The following TAFA1 variants were observed in gnomAD, a reference collection of about 807,000 sequenced individuals.
TAFA1 encodes the protein TAFA chemokine like family member 1, also known as chemokine-like protein TAFA-1.
Under a neutral mutation model 18.5 loss-of-function variants are expected in TAFA1, and 4 were observed. The observed-to-expected ratio is 0.22, with a 90% CI of 0.11 to 0.49. The LOEUF is 0.49. Ranked by LOEUF, TAFA1 falls within the 20% of genes least tolerant of loss-of-function variation. The probability of loss-of-function intolerance (pLI) is 0.98; values close to 1 mark genes in which losing one functional copy is unlikely to be tolerated. For synonymous variants in TAFA1, 56 were observed against 55.2 expected (o/e 1.01, Z -0.06); for missense variants, 147 against 169.0 (o/e 0.87, Z 0.72).
chr3:68,401,429 A>G (rs772019386), intron 2 of TAFA1, among the ~76,000 whole-genome samples: 3 of 152,118 alleles, frequency 2.0e-5, no homozygotes, highest in Non-Finnish European at 4.4e-5. Flanking sequence ...CAAGAGAAAA[A>G]CGCATTGACT....
At chr3:68,269,465 T>G (rs2067618129) in intron 2 of TAFA1, among the ~76,000 whole-genome samples, 1 of 152,064 alleles carries the variant, frequency 6.6e-6, no homozygotes, top group Non-Finnish European at 1.5e-5. Flanking sequence ...GAGACCCAAT[T>G]CTAAAAAATA....
chr3:68,517,184 T>G (rs187778670), intron 3 of TAFA1, among the ~76,000 whole-genome samples: 21 of 152,330 alleles, frequency 1.4e-4, no homozygotes, highest in Non-Finnish European at 2.2e-4. Flanking sequence ...CATCTCCAAC[T>G]TCTTAAAAGA....
At chr3:68,205,604 A>G (rs188644683) in intron 2 of TAFA1, among the ~76,000 whole-genome samples, 4 of 152,016 alleles carry the variant, frequency 2.6e-5, no homozygotes, top group Non-Finnish European at 5.9e-5. Context: ...TCAACTCCTG[A>G]AGACTAGAAA....
At chr3:68,329,216 C>CTTGTTTTT (rs2068824260) in intron 2 of TAFA1, among the ~76,000 whole-genome samples, 1 of 88,988 alleles carries the variant, frequency 1.1e-5, no homozygotes, top group African/African-American at 4.5e-5. Flanking sequence ...GCCTGGCTGC[C>CTTGTTTTT]TTTTTTTTTT....
intron 3 of TAFA1, among the ~76,000 whole-genome samples, chr3:68,489,701 C>T (rs1468554892): frequency 6.6e-6 from 1 of 152,166 alleles, no homozygotes; most frequent in Non-Finnish European, 1.5e-5. Flanking sequence ...AAAATCAAGG[C>T]AGTGGCACCA....
chr3:68,100,694 C>G (rs929846354), intron 2 of TAFA1, among the ~76,000 whole-genome samples: 2 of 152,138 alleles, frequency 1.3e-5, no homozygotes, highest in Non-Finnish European at 2.9e-5. Context: ...TTCCTGATAT[C>G]TCTTTCAATA....
At chr3:68,435,534 C>A (rs1472899261) in intron 3 of TAFA1, among the ~76,000 whole-genome samples, 1 of 152,000 alleles carries the variant, frequency 6.6e-6, no homozygotes, top group African/African-American at 2.4e-5. Context: ...TACTTAGAGC[C>A]CAAATTTCTA....
chr3:68,023,479 A>G (rs534437357), intron 2 of TAFA1, among the ~76,000 whole-genome samples: 2 of 152,302 alleles, frequency 1.3e-5, no homozygotes, highest in South Asian at 4.1e-4. Context: ...GCAAGGGGCC[A>G]TGAAGTACAG....
chr3:68,234,422 A>G (rs2066904725), intron 2 of TAFA1, among the ~76,000 whole-genome samples: 1 of 152,186 alleles, frequency 6.6e-6, no homozygotes, highest in Non-Finnish European at 1.5e-5. Flanking sequence ...TGCCACCTTC[A>G]TATGTTGAGT....
At chr3:68,172,011 G>A (rs1007801223) in intron 2 of TAFA1, among the ~76,000 whole-genome samples, 1 of 152,130 alleles carries the variant, frequency 6.6e-6, no homozygotes, top group African/African-American at 2.4e-5. Flanking sequence ...TCTAGAAGGA[G>A]AGAAGAGAGA....
At chr3:68,206,326 G>C (rs896129304) in intron 2 of TAFA1, among the ~76,000 whole-genome samples, 4 of 151,762 alleles carry the variant, frequency 2.6e-5, no homozygotes, top group Non-Finnish European at 4.4e-5. Flanking sequence ...ACAGATAATA[G>C]CATGTTGACA....
intron 2 of TAFA1, among the ~76,000 whole-genome samples, chr3:68,281,901 T>C (rs116117399): frequency 2.5e-3 from 386 of 152,280 alleles, no homozygotes; most frequent in African/African-American, 9.0e-3. Flanking sequence ...TTTAGTCCAT[T>C]CTCACGCTGC....
chr3:68,180,513 T>G (rs1236555684), intron 2 of TAFA1, among the ~76,000 whole-genome samples: 2 of 152,176 alleles, frequency 1.3e-5, no homozygotes, highest in Non-Finnish European at 2.9e-5. Context: ...CATAAGAAGT[T>G]CAGATGATTT....
intron 2 of TAFA1, among the ~76,000 whole-genome samples, chr3:68,025,632 C>A (rs11928318): frequency 1.3e-5 from 2 of 152,288 alleles, no homozygotes; most frequent in African/African-American, 4.8e-5. Context: ...GCTCACTCTC[C>A]TTTATCCACA....
chr3:68,364,350 GA>G (rs2069527378), intron 2 of TAFA1, among the ~76,000 whole-genome samples: 1 of 152,144 alleles, frequency 6.6e-6, no homozygotes, highest in Admixed American at 6.6e-5. Context: ...GGAAACTTTA[GA>G]AAACTACGAT....
intron 3 of TAFA1, among the ~76,000 whole-genome samples, chr3:68,461,359 G>GAATATATATATATATATATATATA (rs2071774601): frequency 2.6e-5 from 1 of 38,028 alleles, no homozygotes. Context: ...CAATGAAAGT[G>GAATATATATATATATATATATATA]CATATATATA....
At chr3:68,430,574 G>A (rs560509762) in intron 3 of TAFA1, among the ~76,000 whole-genome samples, 3 of 152,080 alleles carry the variant, frequency 2.0e-5, no homozygotes, top group East Asian at 1.9e-4. Context: ...TGAGTGAGGA[G>A]ACAGTATTGA....
intron 2 of TAFA1, among the ~76,000 whole-genome samples, chr3:68,253,379 T>C (rs1213254187): frequency 1.3e-5 from 2 of 152,166 alleles, no homozygotes; most frequent in Non-Finnish European, 2.9e-5. Flanking sequence ...AATGGTCCAG[T>C]CTTCTATGAT....
At chr3:68,085,385 G>C (rs935012462) in intron 2 of TAFA1, among the ~76,000 whole-genome samples, 1 of 152,188 alleles carries the variant, frequency 6.6e-6, no homozygotes, top group Admixed American at 6.5e-5. Context: ...ATTTGATTAT[G>C]ATTACATGTT....
Sources: allele counts gnomAD v4.1 joint callset (sites outside exome capture counted in the v4.1 genomes callset), GRCh38; gene constraint gnomAD v4.1.1; transcripts MANE v1.5; gene names NCBI Gene and HGNC (gene_info 2026-07-23, HGNC 2026-07-21).